Variants in ARHGAP32 observed in about 807,000 individuals in gnomAD.
The protein encoded by ARHGAP32 is rho GTPase-activating protein 32.
In ARHGAP32, 51 loss-of-function variants were observed where a neutral mutation model predicts 186.5. The ratio of observed to expected loss-of-function variants is 0.27; its 90% CI spans 0.22 to 0.35. The LOEUF (loss-of-function observed/expected upper bound fraction) is 0.35. Among genes scored for constraint, ARHGAP32 ranks in the 10% least tolerant of loss-of-function variants. The pLI, the probability that ARHGAP32 is intolerant of heterozygous loss-of-function variation, is 1.00. For synonymous variants in ARHGAP32, 950 were observed against 964.3 expected (o/e 0.99, Z 0.27); for missense variants, 2,186 against 2,623.5 (o/e 0.83, Z 3.64).
chr11:129,025,324 T>C (rs1283006557), intron 11 of ARHGAP32, among the ~76,000 whole-genome samples: 1 of 152,212 alleles, frequency 6.6e-6, no homozygotes, highest in Non-Finnish European at 1.5e-5. Context: ...TATTCTTTCC[T>C]TCCTCTTTGA....
intron 6 of ARHGAP32, among the ~76,000 whole-genome samples, chr11:129,087,586 G>A (rs767364032): frequency 7.2e-5 from 11 of 152,196 alleles, no homozygotes; most frequent in Admixed American, 1.3e-4. Context: ...TCAGGGGTTA[G>A]AGAAAAGGGA....
intron 2 of ARHGAP32, among the ~76,000 whole-genome samples, chr11:129,160,862 CA>C (rs553887977): frequency 1.3e-5 from 2 of 152,194 alleles, no homozygotes; most frequent in African/African-American, 2.4e-5. Context: ...TAATCCTAAG[CA>C]AAAAGAACAA....
At chr11:129,251,261 C>T (rs749140025) in intron 1 of ARHGAP32, among the ~76,000 whole-genome samples, 14 of 152,148 alleles carry the variant, frequency 9.2e-5, no homozygotes, top group East Asian at 1.9e-4. Flanking sequence ...CAATGAAATA[C>T]GATGTGCTCC....
At position 129,047,896 on chromosome 11, in the gene ARHGAP32, G is replaced by A. The variant is rs73013449; in HGVS notation, c.964-6887C>T. On this transcript the variant is annotated intron_variant, in intron 10 of 22. Coordinates refer to ENST00000682385, the MANE Select transcript of ARHGAP32 (RefSeq NM_001378024.1). ...ATCTCCATTGAATTGTTAGAATTAGGAAATATTTTTCCAAACAAAGAAGAG... is the reference window on the plus strand; with the variant it reads ...ATCTCCATTGAATTGTTAGAATTAGAAAATATTTTTCCAAACAAAGAAGAG... 3.4e-3 allele frequency among the ~76,000 whole-genome samples: 512 copies of A among 152,162 alleles called. 3 individuals are homozygous for A. The highest frequency in any genetic ancestry group is 0.017 in the Middle Eastern group (5 of 294).
intron 6 of ARHGAP32, among the ~76,000 whole-genome samples, chr11:129,083,694 G>A (rs893939810): frequency 6.6e-6 from 1 of 151,946 alleles, no homozygotes; most frequent in Admixed American, 6.6e-5. Flanking sequence ...AAACACCACC[G>A]CTTCCCCAAA....
chr11:129,112,807 C>T (rs957224674), intron 5 of ARHGAP32, among the ~76,000 whole-genome samples: 1 of 152,096 alleles, frequency 6.6e-6, no homozygotes, highest in African/African-American at 2.4e-5. Context: ...CAAATGACTG[C>T]TTTTCTCAAA....
At position 128,972,632 on chromosome 11, in the gene ARHGAP32, C is replaced by T. The variant is rs537963441; in HGVS notation, c.3874G>A (p.Ala1292Thr). ...GGTTGTTCAGCCACATCCCAGCTGG[C>T]TTCCTTGGTGCTCATTTGGGCTGTT... ...PATAQMSTKE[A>T]SWDVAEQPTT... The change falls in exon 22 of 23, where the codon GCC (alanine) becomes ACC (threonine). Residue 1292 changes from alanine (A) to threonine (T), a missense_variant. By Grantham distance (58) the Ala-to-Thr change is moderately conservative (BLOSUM62 0). Around this residue, in one of 5 missense-constraint regions of ARHGAP32, gnomAD observed 1,502 missense variants for 1,570.0 expected, o/e 0.96. Coordinates refer to ENST00000682385, the MANE Select transcript of ARHGAP32 (RefSeq NM_001378024.1). 1.2e-6 allele frequency: 2 copies of T among 1,612,202 alleles called. No individual in the cohort carries two copies. Among genetic ancestry groups the T allele is most frequent in the East Asian group, 2.2e-5 (1 of 44,832 alleles).
At chr11:129,279,334 G>A (rs1486729282), upstream of ARHGAP32, 2 of 144,070 alleles carry the variant, frequency 1.4e-5, no homozygotes, top group East Asian at 4.2e-4. Flanking sequence ...CGTCCCCCGC[G>A]CCAGCGCCTC....
intron 6 of ARHGAP32, among the ~76,000 whole-genome samples, chr11:129,084,919 A>T (rs2135235299): frequency 6.6e-6 from 1 of 152,358 alleles, no homozygotes; most frequent in Middle Eastern, 3.4e-3. Flanking sequence ...AACTCCTGGC[A>T]CTAATAAATG....
intron 1 of ARHGAP32, among the ~76,000 whole-genome samples, chr11:129,180,089 C>T (rs574691086): frequency 5.3e-5 from 8 of 151,908 alleles, no homozygotes; most frequent in East Asian, 3.9e-4. Context: ...TTAAAAAAAT[C>T]GTGTATTTAC....
intron 1 of ARHGAP32, among the ~76,000 whole-genome samples, chr11:129,273,003 C>T (rs1764173592): frequency 6.6e-6 from 1 of 152,172 alleles, no homozygotes; most frequent in South Asian, 2.1e-4. Flanking sequence ...AGAGCTGCTG[C>T]TTCTCCATCA....
intron 1 of ARHGAP32, among the ~76,000 whole-genome samples, chr11:129,275,432 T>C (rs1945518305): frequency 6.6e-6 from 1 of 152,224 alleles, no homozygotes; most frequent in African/African-American, 2.4e-5. Context: ...CCAGGATCAA[T>C]GTTTATAAAT....
At chr11:129,190,149 A>C (rs946274638) in intron 1 of ARHGAP32, among the ~76,000 whole-genome samples, 1 of 152,222 alleles carries the variant, frequency 6.6e-6, no homozygotes. Flanking sequence ...CTGTCATACC[A>C]CACTGAGTCT....
At chr11:129,136,598 T>C (rs1320783333) in intron 2 of ARHGAP32, among the ~76,000 whole-genome samples, 1 of 151,956 alleles carries the variant, frequency 6.6e-6, no homozygotes, top group African/African-American at 2.4e-5. Context: ...GCAAAAAACA[T>C]AAGCTAAATA....
chr11:129,189,401 T>TATAA (rs1565462470), intron 1 of ARHGAP32, among the ~76,000 whole-genome samples: 1 of 152,214 alleles, frequency 6.6e-6, no homozygotes, highest in Non-Finnish European at 1.5e-5. Flanking sequence ...TGATACACTG[T>TATAA]ATAAAGCATA....
intron 11 of ARHGAP32, among the ~76,000 whole-genome samples, chr11:129,022,953 T>C (rs1349023610): frequency 6.6e-6 from 1 of 152,234 alleles, no homozygotes; most frequent in African/African-American, 2.4e-5. Context: ...GAGCAGTAGA[T>C]GCTTTTTTAA....
intron 16 of ARHGAP32, 83 bp downstream of exon 16, chr11:128,981,746 A>T: frequency 8.0e-7 from 1 of 1,249,264 alleles, no homozygotes; most frequent in East Asian, 2.4e-5. Context: ...TAATCTTTTA[A>T]AAGTTTCCTT....
chr11:129,116,501 G>C (rs1942374125), intron 5 of ARHGAP32, among the ~76,000 whole-genome samples: 1 of 152,036 alleles, frequency 6.6e-6, no homozygotes, highest in Admixed American at 6.6e-5. Context: ...GTAAGGCTAA[G>C]ATTTTTATTT....
intron 1 of ARHGAP32, among the ~76,000 whole-genome samples, chr11:129,242,196 T>A (rs1476007771): frequency 6.6e-6 from 1 of 152,178 alleles, no homozygotes; most frequent in Non-Finnish European, 1.5e-5. Flanking sequence ...TGCAAAATTT[T>A]AGGAGTCACC....
Sources: gnomAD v4.1 joint callset for allele counts (sites outside exome capture counted in the v4.1 genomes callset) on GRCh38, gnomAD v4.1.1 for gene constraint, gnomAD v4.1.1 regional missense constraint, MANE v1.5 for transcripts, NCBI Gene and HGNC (gene_info 2026-07-23, HGNC 2026-07-21) for gene names.